The following GLRB variants were observed in gnomAD, a reference collection of about 807,000 sequenced individuals.
The protein encoded by GLRB is glycine receptor beta.
In GLRB, 33 loss-of-function variants were observed where a neutral mutation model predicts 54.2. That is an observed-to-expected ratio of 0.61 (90% CI 0.46 to 0.81). The LOEUF is 0.81. GLRB is among the 40% of genes least tolerant of loss of function. The pLI is 0.00. For missense variants in GLRB, 572 were observed against 584.6 expected (o/e 0.98, Z 0.22); for synonymous variants, 209 against 208.2 (o/e 1.00, Z -0.03).
At chr4:157,082,991 C>A (rs868769625) in intron 2 of GLRB, among the ~76,000 whole-genome samples, 1 of 134,968 alleles carries the variant, frequency 7.4e-6, no homozygotes, top group Non-Finnish European at 1.6e-5. Context: ...TATATATATA[C>A]ACACATACTT....
intron 4 of GLRB, among the ~76,000 whole-genome samples, chr4:157,132,183 A>G (rs1046788141): frequency 6.6e-6 from 1 of 151,606 alleles, no homozygotes; most frequent in African/African-American, 2.4e-5. Context: ...TCATATGCTT[A>G]TTTGTCATCT....
chr4:157,124,091 A>G (rs958337897), intron 4 of GLRB, among the ~76,000 whole-genome samples: 1 of 151,698 alleles, frequency 6.6e-6, no homozygotes, highest in African/African-American at 2.4e-5. Flanking sequence ...GGAGCATGTA[A>G]TATTTAAATA....
At chr4:157,145,443 T>C (rs1304825814) in intron 8 of GLRB, among the ~76,000 whole-genome samples, 3 of 152,218 alleles carry the variant, frequency 2.0e-5, no homozygotes, top group Non-Finnish European at 4.4e-5. Context: ...AGTGAAAGCC[T>C]ATATTACACA....
At chr4:157,091,193 T>G (rs1734597745) in intron 2 of GLRB, among the ~76,000 whole-genome samples, 1 of 152,212 alleles carries the variant, frequency 6.6e-6, no homozygotes, top group Non-Finnish European at 1.5e-5. Context: ...TTATAATAGT[T>G]TGGCGTGCAG....
At chr4:157,158,272 T>C (rs1737317675) in intron 9 of GLRB, among the ~76,000 whole-genome samples, 2 of 152,182 alleles carry the variant, frequency 1.3e-5, no homozygotes, top group Admixed American at 6.5e-5. Flanking sequence ...TTTCTCCCAT[T>C]CTGTAGGTTG....
chr4:157,089,971 A>G (rs1337495959), intron 2 of GLRB, among the ~76,000 whole-genome samples: 1 of 152,164 alleles, frequency 6.6e-6, no homozygotes, highest in Non-Finnish European at 1.5e-5. Context: ...GATGGTTTAG[A>G]AATGATTATT....
rs191169018 is a variant in GLRB, at chr4:157,078,385, T to C, written c.122+239T>C. On this transcript the variant is annotated intron_variant, in intron 2 of 9. Transcript: ENST00000264428. ...TAAATCATGCCATGGGTTTATATAA[T>C]TTTTATACACTGTTTACAAAAGTAG... The C allele has an allele frequency of 5.7e-5, 12 of 210,602 alleles. No homozygotes were observed. In the East Asian group the frequency reaches 2.2e-3, roughly 39 times the overall value. 13.0% of individuals were successfully genotyped at this position (210,602 alleles called of 1,614,324 possible).
Position 157,138,926 on chromosome 4 carries a change from G to A in GLRB, c.728G>A (p.Cys243Tyr). ...IKKEDIEYGNCTKYYKGTGYY... is the reference protein window; with the variant it reads ...IKKEDIEYGNYTKYYKGTGYY... The stretch of plus-strand genomic sequence containing the variant: ...AAGGAAGATATTGAATATGGTAACT[G>A]TACAAAATACTATAAAGGCACGGGT... The change falls in exon 7 of 10, where the codon TGT becomes TAT. Residue 243 changes from cysteine to tyrosine, a missense_variant. By Grantham distance (194) the Cys-to-Tyr change is radical. Coordinates refer to ENST00000264428, the MANE Select transcript of GLRB (RefSeq NM_000824.5). The A allele has an allele frequency of 4.8e-6, 7 of 1,462,784 alleles. No individual in the cohort carries two copies. The highest frequency in any genetic ancestry group is 5.7e-6 in the Non-Finnish European group (6 of 1,043,854). 90.6% of individuals were successfully genotyped at this position (1,462,784 alleles called of 1,614,324 possible).
chr4:157,103,004 A>T (rs1735090054), intron 2 of GLRB, among the ~76,000 whole-genome samples: 1 of 152,030 alleles, frequency 6.6e-6, no homozygotes, highest in Non-Finnish European at 1.5e-5. Flanking sequence ...GTCTCTACTA[A>T]CTTGTGCATG....
At chr4:157,111,676 G>T in intron 2 of GLRB, among the ~76,000 whole-genome samples, 1 of 151,934 alleles carries the variant, frequency 6.6e-6, no homozygotes, top group Non-Finnish European at 1.5e-5. Context: ...GTCCTTGAGG[G>T]GGAGTAAGAG....
At chr4:157,162,834 G>T (rs1737561170) in intron 9 of GLRB, among the ~76,000 whole-genome samples, 1 of 152,158 alleles carries the variant, frequency 6.6e-6, no homozygotes, top group Non-Finnish European at 1.5e-5. Context: ...CAAACTCTGT[G>T]CTGGGAGAAC....
chr4:157,147,569 A>C (rs778660265), intron 8 of GLRB, among the ~76,000 whole-genome samples: 1 of 152,198 alleles, frequency 6.6e-6, no homozygotes, highest in Non-Finnish European at 1.5e-5. Flanking sequence ...AAAGTCAAGA[A>C]AGTGTTTTTC....
chr4:157,152,926 G>T lies in GLRB; in HGVS notation c.1113G>T (p.Glu371Asp). 2 of 1,613,992 alleles carry T rather than the reference G, an allele frequency of 1.2e-6. No homozygotes were observed. The highest frequency in any genetic ancestry group is 1.7e-6 in the Non-Finnish European group (2 of 1,179,910). Residue 371 changes from glutamate to aspartate, a missense_variant, in exon 9 of 10, where the codon GAG becomes GAT. Physicochemically the swap from Glu to Asp is conservative, Grantham distance 45. Transcript: ENST00000264428. ...AAAAAGCCAGAATTGCTAAGGCTGA[G>T]CAAGCAGATGGAAAAGGTGGAAATG... ...EAEKARIAKA[E>D]QADGKGGNVA...
At chr4:157,097,683 T>A (rs1479877737) in intron 2 of GLRB, among the ~76,000 whole-genome samples, 1 of 152,222 alleles carries the variant, frequency 6.6e-6, no homozygotes, top group Non-Finnish European at 1.5e-5. Context: ...ATACAGCTCA[T>A]GAATCCACCA....
chr4:157,085,267 A>T (rs1272936590), intron 2 of GLRB, among the ~76,000 whole-genome samples: 1 of 151,810 alleles, frequency 6.6e-6, no homozygotes, highest in African/African-American at 2.4e-5. Flanking sequence ...TGGAGACAGG[A>T]TCTAATTCTG....
intron 4 of GLRB, among the ~76,000 whole-genome samples, chr4:157,123,924 C>A (rs1735923507): frequency 6.6e-6 from 1 of 151,578 alleles, no homozygotes; most frequent in Non-Finnish European, 1.5e-5. Flanking sequence ...TCAGCTAATG[C>A]AAGGATCTTT....
intron 4 of GLRB, among the ~76,000 whole-genome samples, chr4:157,136,122 A>G (rs1403677997): frequency 1.3e-5 from 2 of 152,182 alleles, no homozygotes; most frequent in Non-Finnish European, 2.9e-5. Context: ...GGGAAGAATG[A>G]TAGTAATACT....
intron 2 of GLRB, among the ~76,000 whole-genome samples, chr4:157,092,800 A>C (rs750200879): frequency 1.1e-4 from 16 of 152,204 alleles, no homozygotes; most frequent in Non-Finnish European, 1.8e-4. Flanking sequence ...AAGGTCATAA[A>C]GTCAGTCAGT....
chr4:157,114,261 G>A (rs1392082990), intron 2 of GLRB, among the ~76,000 whole-genome samples: 1 of 150,962 alleles, frequency 6.6e-6, no homozygotes, highest in Non-Finnish European at 1.5e-5. Context: ...TTTGCTTCCA[G>A]TTAAGGCTGT....
Sources: gnomAD v4.1 joint callset for allele counts (sites outside exome capture counted in the v4.1 genomes callset) on GRCh38, gnomAD v4.1.1 for gene constraint, MANE v1.5 for transcripts, NCBI Gene and HGNC (gene_info 2026-07-23, HGNC 2026-07-21) for gene names.